The following TLL1 variants were observed in gnomAD, a reference collection of about 807,000 sequenced individuals.
TLL1 encodes the protein tolloid like 1.
A neutral mutation model predicts 128.2 loss-of-function variants in TLL1; 49 were observed. The observed-to-expected ratio is 0.38, with a 90% CI of 0.30 to 0.48. TLL1 has a LOEUF of 0.48. Among genes scored for constraint, TLL1 ranks in the 20% least tolerant of loss-of-function variants. The pLI is 0.96. For synonymous variants in TLL1, 454 were observed against 418.8 expected (o/e 1.08, Z -1.03); for missense variants, 1,123 against 1,242.0 (o/e 0.90, Z 1.44).
intron 2 of TLL1, among the ~76,000 whole-genome samples, chr4:165,990,335 T>C (rs1736578495): frequency 6.6e-6 from 1 of 152,000 alleles, no homozygotes; most frequent in Non-Finnish European, 1.5e-5. Flanking sequence ...TCTCCCTTTT[T>C]AGTATTTTTA....
intron 1 of TLL1, among the ~76,000 whole-genome samples, chr4:165,891,078 A>C (rs565129955): frequency 6.6e-6 from 1 of 152,156 alleles, no homozygotes; most frequent in Non-Finnish European, 1.5e-5. Context: ...CAATGGCCTG[A>C]GCTGCATATT....
intron 12 of TLL1, among the ~76,000 whole-genome samples, chr4:166,049,735 A>C (rs55957402): frequency 6.6e-6 from 1 of 150,692 alleles, no homozygotes; most frequent in Non-Finnish European, 1.5e-5. Context: ...TATGTTTTAA[A>C]CTTTTCACCT....
intron 1 of TLL1, among the ~76,000 whole-genome samples, chr4:165,934,830 A>G (rs1317496317): frequency 6.6e-6 from 1 of 152,214 alleles, no homozygotes; most frequent in Non-Finnish European, 1.5e-5. Flanking sequence ...AGATAACTGT[A>G]CTATTTCTTA....
intron 1 of TLL1, among the ~76,000 whole-genome samples, chr4:165,892,958 G>T (rs1301745973): frequency 6.6e-6 from 1 of 151,974 alleles, no homozygotes; most frequent in Non-Finnish European, 1.5e-5. Flanking sequence ...GCCATTTTTT[G>T]ATGTAAATCC....
intron 1 of TLL1, among the ~76,000 whole-genome samples, chr4:165,941,731 A>T (rs1734019535): frequency 1.3e-5 from 2 of 152,238 alleles, no homozygotes; most frequent in South Asian, 4.1e-4. Context: ...ACATACAAGG[A>T]CAAAATCCTA....
chr4:165,985,273 G>T lies in TLL1; in HGVS notation c.170-4108G>T, dbSNP rs142435438. On this transcript the variant is annotated intron_variant, in intron 1 of 20. Transcript: ENST00000061240. ...ATGGGAAGAGCAGGTTTCTAGGAAG[G>T]TTTTTCTGGGAAGGCCTAAAGAGAC... is the stretch of plus-strand genomic sequence containing the variant. Among the ~76,000 whole-genome samples the T allele has an allele frequency of 3.2e-3, 490 of 152,050 alleles. 4 individuals carry two copies. Among genetic ancestry groups the T allele is most frequent in the African/African-American group, 0.011 (457 of 41,520 alleles).
chr4:165,946,706 G>T (rs1734267456), intron 1 of TLL1, among the ~76,000 whole-genome samples: 1 of 152,042 alleles, frequency 6.6e-6, no homozygotes, highest in Non-Finnish European at 1.5e-5. Context: ...GAAGTAGGGT[G>T]CTTCAGCAAC....
At chr4:165,953,753 A>C (rs1734652962) in intron 1 of TLL1, among the ~76,000 whole-genome samples, 1 of 151,838 alleles carries the variant, frequency 6.6e-6, no homozygotes, top group Non-Finnish European at 1.5e-5. Context: ...TTTTCTTTAA[A>C]TCTCCTTTTG....
chr4:165,955,929 C>T (rs1322149859), intron 1 of TLL1, among the ~76,000 whole-genome samples: 2 of 152,128 alleles, frequency 1.3e-5, no homozygotes, highest in Non-Finnish European at 2.9e-5. Context: ...AGGAATTTTA[C>T]AGCTGGGCCA....
chr4:165,873,400 C>A lies in TLL1; in HGVS notation c.-505C>A. 1 of 153,116 alleles carries A rather than the reference C, an allele frequency of 6.5e-6. No homozygotes were observed. The highest frequency in any genetic ancestry group is 2.1e-4 in the South Asian group (1 of 4,876). The allele number at this position is 153,116 out of a possible 1,614,324, so 9.5% of individuals were successfully genotyped here. On this transcript the variant is annotated 5_prime_UTR_variant, in exon 1 of 21. An upstream open reading frame in the 5' UTR gains an earlier in-frame stop. Coordinates refer to ENST00000061240, the MANE Select transcript of TLL1 (RefSeq NM_012464.5). ...GATGTGCTGATGTGCAGACCGGATTCATCTTCTCGGAGCTGCGGCGGCGGC... is the reference window on the plus strand; with the variant it reads ...GATGTGCTGATGTGCAGACCGGATTAATCTTCTCGGAGCTGCGGCGGCGGC...
chr4:166,001,740 T>C (rs1737169407), intron 5 of TLL1, among the ~76,000 whole-genome samples: 1 of 148,720 alleles, frequency 6.7e-6, no homozygotes, highest in Non-Finnish European at 1.5e-5. Context: ...AAGTTTGCAG[T>C]GGGCCGATTG....
At chr4:166,047,356 G>A (rs1015650065) in intron 12 of TLL1, among the ~76,000 whole-genome samples, 7 of 151,386 alleles carry the variant, frequency 4.6e-5, no homozygotes, top group Non-Finnish European at 7.4e-5. Flanking sequence ...AGTAGAGACA[G>A]GGTTTCACCA....
intron 17 of TLL1, among the ~76,000 whole-genome samples, chr4:166,077,027 G>C (rs1410229917): frequency 6.6e-6 from 1 of 152,052 alleles, no homozygotes; most frequent in Non-Finnish European, 1.5e-5. Context: ...CAAATATATT[G>C]CTCTGGAAAT....
intron 7 of TLL1, among the ~76,000 whole-genome samples, chr4:166,010,786 GTTTA>G (rs1242170424): frequency 2.0e-5 from 3 of 150,782 alleles, no homozygotes; most frequent in Non-Finnish European, 4.5e-5. Flanking sequence ...TGGGTCTTAT[GTTTA>G]TTTATTTAAT....
chr4:166,005,279 A>G (rs1737366527), intron 6 of TLL1, among the ~76,000 whole-genome samples: 1 of 152,010 alleles, frequency 6.6e-6, no homozygotes, highest in Non-Finnish European at 1.5e-5. Flanking sequence ...TATTTTGTAG[A>G]GAAAGGAAAG....
Position 166,014,426 on chromosome 4 carries a change from T to C in TLL1, c.918-10T>C. On this transcript the variant is annotated splice_polypyrimidine_tract_variant and intron_variant, in intron 7 of 20. Transcript: ENST00000061240. ...TGACTTAGGTGTGGTTTGCTTCTGC[T>C]TTTTTTCAGGGGGATGTTTCTGGAT... The C allele has an allele frequency of 6.2e-7, 1 of 1,611,256 alleles. No individual in the cohort carries two copies. Among genetic ancestry groups the C allele is most frequent in the Non-Finnish European group, 8.5e-7 (1 of 1,177,950 alleles).
intron 8 of TLL1, among the ~76,000 whole-genome samples, chr4:166,015,192 T>C (rs1737878313): frequency 6.6e-6 from 1 of 152,050 alleles, no homozygotes; most frequent in Admixed American, 6.6e-5. Context: ...CTAGATTCTA[T>C]GTACCTCCAG....
chr4:165,964,357 C>T (rs961139991), intron 1 of TLL1, among the ~76,000 whole-genome samples: 1 of 152,134 alleles, frequency 6.6e-6, no homozygotes, highest in Non-Finnish European at 1.5e-5. Context: ...GATAATTATG[C>T]ATAAAATGTT....
In TLL1 at chr4:165,907,641, C is replaced by T. The variant is rs865883248; in HGVS notation, c.169+33568C>T. Among the ~76,000 whole-genome samples, 6 of 151,892 alleles carry T rather than the reference C, an allele frequency of 4.0e-5. No individual in the cohort carries two copies. The South Asian group carries it at 1.0e-3, about 26-fold the overall frequency. ...TTGGCTCACCGCAACCTCTGCCTCCCAGGTTCAAACGATTCTCCTGTCTCA... is the reference window on the plus strand; with the variant it reads ...TTGGCTCACCGCAACCTCTGCCTCCTAGGTTCAAACGATTCTCCTGTCTCA... On this transcript the variant is annotated intron_variant, in intron 1 of 20. Transcript: ENST00000061240.
Sources: allele counts gnomAD v4.1 joint callset (sites outside exome capture counted in the v4.1 genomes callset), GRCh38; gene constraint gnomAD v4.1.1; transcripts MANE v1.5; gene names NCBI Gene and HGNC (gene_info 2026-07-23, HGNC 2026-07-21).